Variants in PGR observed in about 807,000 individuals in gnomAD.
PGR encodes nuclear receptor subfamily 3 group C member 3.
A neutral mutation model predicts 76.1 loss-of-function variants in PGR; 25 were observed. The observed-to-expected ratio is 0.33, with a 90% CI of 0.24 to 0.46. The LOEUF (loss-of-function observed/expected upper bound fraction) is 0.46, where lower values mean the gene tolerates loss of function less well. Among genes scored for constraint, PGR ranks in the 20% least tolerant of loss-of-function variants. The pLI, the probability that PGR is intolerant of heterozygous loss-of-function variation, is 1.00. For synonymous variants in PGR, 579 were observed against 535.0 expected, an observed-to-expected ratio of 1.08 and a Z score of -1.14; for missense variants, 1,172 against 1,225.3, an observed-to-expected ratio of 0.96 and a Z score of 0.65.
At chr11:101,045,072 G>GT (rs1859822855) in intron 6 of PGR, among the ~76,000 whole-genome samples, 1 of 152,026 alleles carries the variant, frequency 6.6e-6, no homozygotes, top group African/African-American at 2.4e-5. Context: ...TCTTAAGCCT[G>GT]TATTTATCCC....
Position 101,038,719 on chromosome 11 carries a change from G to T in PGR, c.*397C>A, listed in dbSNP as rs933233048. On this transcript the variant is annotated 3_prime_UTR_variant, in exon 8 of 8. Coordinates refer to ENST00000325455, the MANE Select transcript of PGR (RefSeq NM_000926.4). ...TTTTTGGAAATATAATTGACACAAA[G>T]GGAGTTACCTAGAAATAACATATAA... is the stretch of plus-strand genomic sequence containing the variant. 1.3e-5 allele frequency: 3 copies of T among 233,954 alleles called. No individual in the cohort carries two copies. The highest frequency in any genetic ancestry group is 1.7e-5 in the Non-Finnish European group (2 of 118,810). The allele number at this position is 233,954 out of a possible 1,614,324, so 14.5% of individuals were successfully genotyped here. A position where few individuals can be genotyped will look rare whatever the true frequency, so the allele number is the denominator to read the frequency against.
chr11:101,062,722 C>G lies in PGR; in HGVS notation c.1937G>C (p.Arg646Thr), dbSNP rs753321148. 1 of 1,612,806 alleles carries G rather than the reference C, an allele frequency of 6.2e-7. No individual in the cohort carries two copies. Among genetic ancestry groups the G allele is most frequent in the South Asian group, 1.1e-5 (1 of 90,870 alleles). ...AACAGCATCCAGTGCTCTCACAACTCTGACTTTATTGAACTTTTTAAATTT... is the reference window on the plus strand; with the variant it reads ...AACAGCATCCAGTGCTCTCACAACTGTGACTTTATTGAACTTTTTAAATTT... ...GRKFKKFNKV[R>T]VVRALDAVAL... Residue 646 changes from arginine to threonine, a missense_variant, in exon 4 of 8, where the codon AGA (arginine) becomes ACA (threonine). Physicochemically the swap from Arg to Thr is moderately conservative, Grantham distance 71. Transcript: ENST00000325455.
In PGR at chr11:101,051,367, C is replaced by A. The variant is rs919626212; in HGVS notation, c.2357+57G>T. 10 of 1,191,930 alleles carry A rather than the reference C, an allele frequency of 8.4e-6. No homozygotes were observed. The African/African-American group carries it at 1.4e-4, about 16-fold the overall frequency. 73.8% of individuals were successfully genotyped at this position (1,191,930 alleles called of 1,614,324 possible). A position where few individuals can be genotyped will look rare whatever the true frequency, so the allele number is the denominator to read the frequency against. On this transcript the variant is annotated intron_variant, in intron 5 of 7. Transcript: ENST00000325455. ...TGATCATCTATTGAAATATAACTTT[C>A]AAAATTATCCTACATGTACACTTAA...
intron 6 of PGR, among the ~76,000 whole-genome samples, chr11:101,046,057 T>A (rs1859864713): frequency 6.6e-6 from 1 of 151,866 alleles, no homozygotes; most frequent in Non-Finnish European, 1.5e-5. Flanking sequence ...AAAATCATTT[T>A]TTCTTAATTT....
At chr11:101,060,180 TGTGTGTGTGTGC>T (rs1277666246) in intron 4 of PGR, among the ~76,000 whole-genome samples, 2 of 152,022 alleles carry the variant, frequency 1.3e-5, no homozygotes, top group Non-Finnish European at 2.9e-5. Flanking sequence ...ATATTTATAT[TGTGTGTGTGTGC>T]GTGTGTGTGT....
At chr11:101,060,841 G>A (rs1860466300) in intron 4 of PGR, among the ~76,000 whole-genome samples, 1 of 152,134 alleles carries the variant, frequency 6.6e-6, no homozygotes, top group Non-Finnish European at 1.5e-5. Context: ...CAAATTCAAT[G>A]TAAGAGTTTT....
chr11:101,052,429 T>A (rs1403873460), intron 4 of PGR, among the ~76,000 whole-genome samples: 2 of 151,988 alleles, frequency 1.3e-5, no homozygotes, highest in African/African-American at 4.8e-5. Context: ...CTTGACTTAA[T>A]CATCACAAGT....
At chr11:101,112,921 C>A (rs1164531159) in intron 2 of PGR, among the ~76,000 whole-genome samples, 8 of 152,160 alleles carry the variant, frequency 5.3e-5, no homozygotes, top group African/African-American at 1.9e-4. Flanking sequence ...GATTTAAAAT[C>A]TTTGTGTTTA....
At chr11:101,082,813 A>C (rs1861354905) in intron 3 of PGR, among the ~76,000 whole-genome samples, 2 of 152,230 alleles carry the variant, frequency 1.3e-5, no homozygotes, top group African/African-American at 4.8e-5. Flanking sequence ...AAGTGAAGCA[A>C]AGCAAAAAAT....
At chr11:101,087,218 T>C (rs1053132171) in intron 3 of PGR, among the ~76,000 whole-genome samples, 1 of 152,186 alleles carries the variant, frequency 6.6e-6, no homozygotes, top group African/African-American at 2.4e-5. Context: ...AGCATGATAC[T>C]GGCACGAGAG....
chr11:101,128,978 T>TG lies in PGR; in HGVS notation c.92dup (p.Ala32SerfsTer16), dbSNP rs1222109602. On this transcript the variant is annotated frameshift_variant, in exon 1 of 8. Coordinates refer to ENST00000325455, the MANE Select transcript of PGR (RefSeq NM_000926.4). LOFTEE classifies it high-confidence loss of function. ...GGCTCCCCGGGAACGGACCTGCGGC[T>TG]GGGCGACACAGCAGTGGGGATCCGA... 1.2e-6 allele frequency: 2 copies of TG among 1,600,148 alleles called. No homozygotes were observed. Among genetic ancestry groups the TG allele is most frequent in the Non-Finnish European group, 1.7e-6 (2 of 1,172,658 alleles).
At chr11:101,103,837 G>A (rs1341983542) in intron 2 of PGR, among the ~76,000 whole-genome samples, 1 of 152,108 alleles carries the variant, frequency 6.6e-6, no homozygotes, top group Non-Finnish European at 1.5e-5. Context: ...GAGTCCTTTT[G>A]ATCTAAAAAG....
At chr11:101,071,373 C>T (rs1004185305) in intron 3 of PGR, among the ~76,000 whole-genome samples, 1 of 152,062 alleles carries the variant, frequency 6.6e-6, no homozygotes, top group Non-Finnish European at 1.5e-5. Flanking sequence ...TGAGGAAAAA[C>T]CAGTGCAAAA....
At chr11:101,071,890 T>C (rs1448197032) in intron 3 of PGR, among the ~76,000 whole-genome samples, 1 of 152,098 alleles carries the variant, frequency 6.6e-6, no homozygotes, top group Admixed American at 6.6e-5. Flanking sequence ...TGGAACCAAG[T>C]TGGAAAACAC....
At chr11:101,081,077 C>T (rs1273843269) in intron 3 of PGR, among the ~76,000 whole-genome samples, 1 of 152,038 alleles carries the variant, frequency 6.6e-6, no homozygotes, top group Non-Finnish European at 1.5e-5. Context: ...TTCAAGAAAA[C>T]TTTCCTAATC....
rs997347491 is a variant in PGR at position 101,085,539 on chromosome 11, A to AC, written c.1906+6220_1906+6221insG. 8.1e-5 allele frequency among the ~76,000 whole-genome samples: 12 copies of AC among 148,818 alleles called. No individual in the cohort carries two copies. The South Asian group carries it at 1.0e-3, about 13-fold the overall frequency. On this transcript the variant is annotated intron_variant, in intron 3 of 7. Coordinates refer to ENST00000325455, the MANE Select transcript of PGR (RefSeq NM_000926.4). ...CCTAGAGGAACTAAAAAAAAAAAAA[A>AC]AAAAAAAAAAACAAGAACAAACTAT...
At chr11:101,104,310 T>C (rs918810207) in intron 2 of PGR, among the ~76,000 whole-genome samples, 3 of 152,244 alleles carry the variant, frequency 2.0e-5, no homozygotes, top group African/African-American at 7.2e-5. Context: ...TAAGGCCATA[T>C]GCTTTAGAGT....
intron 4 of PGR, among the ~76,000 whole-genome samples, chr11:101,058,003 G>A (rs995955290): frequency 1.3e-5 from 2 of 151,970 alleles, no homozygotes; most frequent in Non-Finnish European, 2.9e-5. Flanking sequence ...GGAAAAGATA[G>A]AACCCAGAAC....
intron 2 of PGR, among the ~76,000 whole-genome samples, chr11:101,109,185 C>A (rs572921931): frequency 1.8e-4 from 28 of 152,252 alleles, no homozygotes; most frequent in Non-Finnish European, 3.7e-4. Context: ...TGAAATCAGG[C>A]CAATTAACAA....
Sources: gnomAD v4.1 joint callset for allele counts (sites outside exome capture counted in the v4.1 genomes callset) on GRCh38, gnomAD v4.1.1 for gene constraint, MANE v1.5 for transcripts, NCBI Gene and HGNC (gene_info 2026-07-23, HGNC 2026-07-21) for gene names.